Variants in ARHGAP32 observed in about 807,000 individuals in gnomAD.
ARHGAP32 encodes rho GTPase-activating protein 32.
A neutral mutation model predicts 186.5 loss-of-function variants in ARHGAP32; 51 were observed. The observed-to-expected ratio is 0.27, with a 90% confidence interval of 0.22 to 0.35. The LOEUF (loss-of-function observed/expected upper bound fraction) is 0.35. ARHGAP32 is among the 10% of genes least tolerant of loss of function. ARHGAP32 has a pLI of 1.00. For missense variants in ARHGAP32, 2,186 were observed against 2,623.5 expected (o/e 0.83, Z 3.64); for synonymous variants, 950 against 964.3 (o/e 0.99, Z 0.27).
chr11:128,985,858 G>GTGTGTGTATATGTA (rs760311247), intron 15 of ARHGAP32, 145 bp downstream of exon 15: 1 of 95,312 alleles, frequency 1.0e-5, no homozygotes, highest in Non-Finnish European at 1.9e-5. Flanking sequence ...GTGTGTGTGT[G>GTGTGTGTATATGTA]TATATATATA....
intron 2 of ARHGAP32, among the ~76,000 whole-genome samples, 197 bp from the exon 3 acceptor site, chr11:129,125,091 T>C (rs529208743): frequency 1.3e-5 from 2 of 152,288 alleles, no homozygotes; most frequent in African/African-American, 4.8e-5. Flanking sequence ...TCAGCTTTAC[T>C]GTATAAGGGA....
chr11:129,176,764 A>G (rs1430117708), intron 1 of ARHGAP32, among the ~76,000 whole-genome samples: 2 of 151,008 alleles, frequency 1.3e-5, no homozygotes, highest in Non-Finnish European at 3.0e-5. Flanking sequence ...ACATACCAGA[A>G]TCTCTGGGAC....
In ARHGAP32 at chr11:129,273,375, A is replaced by G. The variant is rs529260016; in HGVS notation, c.-5+5771T>C. Among the ~76,000 whole-genome samples, 5 of 152,208 alleles carry G rather than the reference A, an allele frequency of 3.3e-5. No homozygotes were observed. The East Asian group carries it at 9.7e-4, about 29-fold the overall frequency. Reference sequence around the variant, plus strand: ...TGTGTCAGGATTGCTATTCCTACTTAATCTGGAGGGCCACTGAATATAAAA... The same window carrying G: ...TGTGTCAGGATTGCTATTCCTACTTGATCTGGAGGGCCACTGAATATAAAA... On this transcript the variant is annotated intron_variant, in intron 1 of 6. Transcript: ENST00000525234.
chr11:129,031,658 G>A (rs997358419), intron 11 of ARHGAP32, among the ~76,000 whole-genome samples: 6 of 152,148 alleles, frequency 3.9e-5, no homozygotes, highest in African/African-American at 1.4e-4. Flanking sequence ...CAGGAGAAAG[G>A]GAAACACTGG....
At chr11:129,104,954 C>A (rs988225942) in intron 5 of ARHGAP32, among the ~76,000 whole-genome samples, 3 of 152,118 alleles carry the variant, frequency 2.0e-5, no homozygotes, top group African/African-American at 7.2e-5. Context: ...ATGATGCCAA[C>A]CCTCACCGGG....
chr11:129,272,679 T>G (rs187872204), intron 1 of ARHGAP32, among the ~76,000 whole-genome samples: 2 of 152,094 alleles, frequency 1.3e-5, no homozygotes, highest in Non-Finnish European at 2.9e-5. Flanking sequence ...ACAAAAGGCA[T>G]GGATGCTAAC....
rs538188156 is a variant in ARHGAP32, at chr11:129,128,795, G to A, written c.226-3901C>T. ...AGACGGGGTTTCGCCGTGTTGGCCG[G>A]GCTGGTCTCCAGCTCCTGACCGCAA... On this transcript the variant is annotated intron_variant, in intron 2 of 22. Coordinates refer to ENST00000682385, the MANE Select transcript of ARHGAP32 (RefSeq NM_001378024.1). Among the ~76,000 whole-genome samples, 184 of 152,352 alleles carry A rather than the reference G, an allele frequency of 1.2e-3. 2 individuals carry two copies. The highest frequency in any genetic ancestry group is 3.4e-3 in the Middle Eastern group (1 of 294).
chr11:129,181,851 T>G (rs185295465), intron 1 of ARHGAP32, among the ~76,000 whole-genome samples: 2 of 152,300 alleles, frequency 1.3e-5, no homozygotes, highest in African/African-American at 4.8e-5. Context: ...GTCTCCAATC[T>G]GCCCAATTCC....
In ARHGAP32 at chr11:129,123,652, C is replaced by T. The variant is rs1942587430; in HGVS notation, c.360-122G>A. The T allele has an allele frequency of 3.5e-6, 3 of 851,856 alleles. No individual in the cohort carries two copies. Among genetic ancestry groups the T allele is most frequent in the East Asian group, 2.7e-5 (1 of 37,402 alleles). 52.8% of individuals were successfully genotyped at this position (851,856 alleles called of 1,614,324 possible). A position where few individuals can be genotyped will look rare whatever the true frequency, so the allele number is the denominator to read the frequency against. ...CAAAAATATTTCGTAAGCACATGCG[C>T]ATGAGCCACACATATCCGCACAAAT... On this transcript the variant is annotated intron_variant, in intron 4 of 22. Transcript: ENST00000682385. This position sits in a 1 kb window ranked among gnomAD's most constrained non-coding sequence, Gnocchi z 4.6.
At chr11:129,155,940 T>TG (rs1943393202) in intron 2 of ARHGAP32, among the ~76,000 whole-genome samples, 3 of 152,064 alleles carry the variant, frequency 2.0e-5, no homozygotes, top group African/African-American at 7.2e-5. Flanking sequence ...CAAAGCAGAG[T>TG]GGGGCGTTGC....
intron 11 of ARHGAP32, among the ~76,000 whole-genome samples, chr11:129,031,806 T>A (rs1242423059): frequency 2.0e-5 from 3 of 152,060 alleles, no homozygotes; most frequent in Non-Finnish European, 4.4e-5. Flanking sequence ...CCGCTCCTTA[T>A]CCTGTGCCCA....
At chr11:129,263,540 A>C (rs1452636063) in intron 1 of ARHGAP32, among the ~76,000 whole-genome samples, 1 of 83,396 alleles carries the variant, frequency 1.2e-5, no homozygotes, top group Non-Finnish European at 2.6e-5. Flanking sequence ...TTACCCATTA[A>C]AATGGCTACT....
At chr11:129,185,221 T>G (rs959463985) in intron 1 of ARHGAP32, among the ~76,000 whole-genome samples, 18 of 152,240 alleles carry the variant, frequency 1.2e-4, no homozygotes, top group South Asian at 6.2e-4. Context: ...AACAATGATA[T>G]ACTGGATTAA....
chr11:129,055,563 C>T (rs1940216390), intron 10 of ARHGAP32, among the ~76,000 whole-genome samples: 1 of 152,190 alleles, frequency 6.6e-6, no homozygotes, highest in Non-Finnish European at 1.5e-5. Context: ...AATATATAAA[C>T]TGTGGCATAT....
In ARHGAP32 at chr11:128,979,027, T is replaced by G. The variant is rs1945632829; in HGVS notation, c.1977-112A>C. The stretch of plus-strand genomic sequence containing the variant: ...ACCAAACAGGCTGGAGAAGCATAAG[T>G]GAAACAGTAAGCAAACATCCACCTT... On this transcript the variant is annotated intron_variant, in intron 18 of 22. Coordinates refer to ENST00000682385, the MANE Select transcript of ARHGAP32 (RefSeq NM_001378024.1). 3 of 948,824 alleles carry G rather than the reference T, an allele frequency of 3.2e-6. No homozygotes were observed. The Admixed American group carries it at 8.4e-5, about 27-fold the overall frequency. The allele number at this position is 948,824 out of a possible 1,614,324, so 58.8% of individuals were successfully genotyped here.
chr11:129,030,489 T>A (rs1339652273), intron 11 of ARHGAP32: 1 of 152,188 alleles, frequency 6.6e-6, no homozygotes, highest in Non-Finnish European at 1.5e-5. Context: ...GTTATCTCAA[T>A]AGATTGTACC....
intron 6 of ARHGAP32, among the ~76,000 whole-genome samples, chr11:129,073,749 C>A (rs1940944037): frequency 7.3e-6 from 1 of 136,698 alleles, no homozygotes; most frequent in Admixed American, 7.3e-5. Context: ...CATCACCCTC[C>A]TCAAAAAAAA....
chr11:129,206,695 G>A (rs1944518569), intron 1 of ARHGAP32, among the ~76,000 whole-genome samples: 1 of 151,542 alleles, frequency 6.6e-6, no homozygotes, highest in Non-Finnish European at 1.5e-5. Flanking sequence ...TGCTGATTAT[G>A]TCTCAGTAGT....
chr11:128,979,421 T>C (rs1441568389), intron 18 of ARHGAP32, among the ~76,000 whole-genome samples: 2 of 152,238 alleles, frequency 1.3e-5, no homozygotes, highest in African/African-American at 4.8e-5. Flanking sequence ...ACTATTATTC[T>C]CATTTTGCAG....
Sources: gnomAD v4.1 joint callset for allele counts (sites outside exome capture counted in the v4.1 genomes callset) on GRCh38, gnomAD v4.1.1 for gene constraint, Gnocchi (gnomAD v3.1) non-coding constraint, MANE v1.5 for transcripts, NCBI Gene and HGNC (gene_info 2026-07-23, HGNC 2026-07-21) for gene names.